Variants in DYNC2LI1 observed in about 807,000 individuals in gnomAD.
The protein encoded by DYNC2LI1 is cytoplasmic dynein 2 light intermediate chain 1.
DYNC2LI1 carries 45 observed loss-of-function variants against 51.9 expected under a neutral mutation model. The ratio of observed to expected loss-of-function variants is 0.87; its 90% confidence interval spans 0.68 to 1.11. The LOEUF (loss-of-function observed/expected upper bound fraction) is 1.11. Among genes scored for constraint, DYNC2LI1 ranks in the 50% most tolerant of loss-of-function variants. The pLI, the probability that DYNC2LI1 is intolerant of heterozygous loss-of-function variation, is 0.00. For missense variants in DYNC2LI1, 490 were observed against 417.4 expected, an observed-to-expected ratio of 1.17 and a Z score of -1.51; for synonymous variants, 130 against 137.8, an observed-to-expected ratio of 0.94 and a Z score of 0.40.
chr2:43,799,654 T>C (rs1490508549), intron 8 of DYNC2LI1, among the ~76,000 whole-genome samples: 1 of 152,200 alleles, frequency 6.6e-6, no homozygotes, highest in East Asian at 1.9e-4. Context: ...TACAGTTCTT[T>C]GTGAAGGATG....
intron 12 of DYNC2LI1, among the ~76,000 whole-genome samples, chr2:43,808,913 C>G (rs187850371): frequency 6.6e-6 from 1 of 151,880 alleles, no homozygotes; most frequent in African/African-American, 2.4e-5. Flanking sequence ...GTGCATTGCT[C>G]TATTGTTATG....
the DYNC2LI1 span, among the ~76,000 whole-genome samples, chr2:43,816,744 T>G: frequency 1.3e-5 from 2 of 152,194 alleles, no homozygotes; most frequent in Non-Finnish European, 2.9e-5. Context: ...AAAAAAAGTA[T>G]GCATATTTTA....
the DYNC2LI1 span, chr2:43,819,913 AC>A: frequency 6.2e-7 from 1 of 1,614,132 alleles, no homozygotes; most frequent in Non-Finnish European, 8.5e-7. Context: ...ATGATATCTT[AC>A]CTGAGGAATC....
chr2:43,783,408 A>G (rs1181693198), intron 2 of DYNC2LI1, 112 bp from the exon 3 acceptor site: 3 of 825,674 alleles, frequency 3.6e-6, no homozygotes, highest in Non-Finnish European at 5.8e-6. Context: ...GTTTCCAGGT[A>G]ATTTATCATT....
chr2:43,786,234 T>C (rs1673514361), intron 3 of DYNC2LI1, among the ~76,000 whole-genome samples: 1 of 152,202 alleles, frequency 6.6e-6, no homozygotes, highest in Admixed American at 6.5e-5. Flanking sequence ...GGTGCCTCTC[T>C]GTCACCCAGG....
chr2:43,777,660 G>A (rs1380457529), intron 2 of DYNC2LI1, among the ~76,000 whole-genome samples: 1 of 152,192 alleles, frequency 6.6e-6, no homozygotes, highest in Non-Finnish European at 1.5e-5. Flanking sequence ...TGACAAATAC[G>A]AAGCTTTCAG....
At chr2:43,781,230 G>A (rs930489622) in intron 2 of DYNC2LI1, among the ~76,000 whole-genome samples, 9 of 151,936 alleles carry the variant, frequency 5.9e-5, no homozygotes, top group African/African-American at 1.7e-4. Context: ...TTACCTGCAC[G>A]TGGTGGTGCA....
At position 43,790,104 on chromosome 2, in the gene DYNC2LI1, A is replaced by G. The variant is rs138893796; in HGVS notation, c.320+383A>G. Among the ~76,000 whole-genome samples, 675 of 152,344 alleles carry G rather than the reference A, an allele frequency of 4.4e-3. 6 individuals are homozygous for G. The highest frequency in any genetic ancestry group is 0.015 in the African/African-American group (640 of 41,584). On this transcript the variant is annotated intron_variant, in intron 5 of 12. Coordinates refer to ENST00000260605, the MANE Select transcript of DYNC2LI1 (RefSeq NM_016008.4). ...CTCTGAGTTTTTTCTTCAGCTGAGT[A>G]TTATAAGCTACCTTTGAATTTAGTG...
the DYNC2LI1 span, chr2:43,828,240 A>G: frequency 1.6e-6 from 2 of 1,286,664 alleles, no homozygotes; most frequent in South Asian, 1.2e-5. Context: ...TTCCAGACTC[A>G]CCACACCCTG....
At chr2:43,827,821 A>G in the DYNC2LI1 span, among the ~76,000 whole-genome samples, 1 of 152,202 alleles carries the variant, frequency 6.6e-6, no homozygotes, top group Non-Finnish European at 1.5e-5. Context: ...TGAACTGTAC[A>G]GCATTTCCAA....
chr2:43,788,070 A>G (rs754478489), intron 4 of DYNC2LI1, among the ~76,000 whole-genome samples: 3 of 152,210 alleles, frequency 2.0e-5, no homozygotes, highest in Non-Finnish European at 2.9e-5. Flanking sequence ...TTTGTGAGTC[A>G]CTTGAATTTT....
At chr2:43,824,896 G>A in the DYNC2LI1 span, 965 of 1,613,968 alleles carry the variant, frequency 6.0e-4, 8 homozygotes, top group South Asian at 7.2e-3. Context: ...TACTATAGAA[G>A]TCAAAAGGGT....
chr2:43,828,091 T>G, the DYNC2LI1 span: 2 of 1,614,008 alleles, frequency 1.2e-6, no homozygotes, highest in Non-Finnish European at 1.7e-6. Context: ...TGGCTCAGAC[T>G]CAGCTCTGCC....
intron 4 of DYNC2LI1, among the ~76,000 whole-genome samples, chr2:43,788,188 A>C (rs921667522): frequency 6.6e-6 from 1 of 152,200 alleles, no homozygotes; most frequent in African/African-American, 2.4e-5. Flanking sequence ...TCCCTTTATC[A>C]AATTGTGAAT....
At chr2:43,817,667 T>C in the DYNC2LI1 span, among the ~76,000 whole-genome samples, 3 of 152,052 alleles carry the variant, frequency 2.0e-5, no homozygotes, top group Admixed American at 2.0e-4. Flanking sequence ...CCCAGCACTT[T>C]GGGAGGCCAA....
chr2:43,804,822 A>G (rs1666190116), intron 11 of DYNC2LI1, 83 bp downstream of exon 11: 7 of 819,484 alleles, frequency 8.5e-6, no homozygotes, highest in Admixed American at 2.9e-5. Context: ...GCTTATTATG[A>G]TAACTTTGTT....
At chr2:43,825,870 T>G in the DYNC2LI1 span, among the ~76,000 whole-genome samples, 1 of 152,340 alleles carries the variant, frequency 6.6e-6, no homozygotes, top group Admixed American at 6.5e-5. Flanking sequence ...AAATGAGCTA[T>G]GTACAGAAAG....
chr2:43,822,570 G>A, the DYNC2LI1 span: 2 of 984,682 alleles, frequency 2.0e-6, no homozygotes, highest in South Asian at 9.4e-5. Flanking sequence ...TCATTCCCAG[G>A]CACATGTCAT....
At chr2:43,812,319 CTTT>C (rs535572680), downstream of DYNC2LI1, among the ~76,000 whole-genome samples, 27 of 115,282 alleles carry the variant, frequency 2.3e-4, no homozygotes, top group East Asian at 1.9e-3. Context: ...ACTTGTAATT[CTTT>C]TTTTTTTTTT....
Sources: gnomAD v4.1 joint callset for allele counts (sites outside exome capture counted in the v4.1 genomes callset) on GRCh38, gnomAD v4.1.1 for gene constraint, MANE v1.5 for transcripts, NCBI Gene and HGNC (gene_info 2026-07-23, HGNC 2026-07-21) for gene names.